GALNT18: variants seen among roughly 807,000 people sequenced by gnomAD.
GALNT18 encodes GalNAc-transferase 18.
A neutral mutation model predicts 69.5 loss-of-function variants in GALNT18; 44 were observed. That is an observed-to-expected ratio of 0.63 (90% CI 0.50 to 0.81). The LOEUF (loss-of-function observed/expected upper bound fraction) is 0.81. Ranked by LOEUF, GALNT18 falls within the 40% of genes least tolerant of loss-of-function variation. GALNT18 has a pLI of 0.00. For synonymous variants in GALNT18, 364 were observed against 318.2 expected (o/e 1.14, Z -1.53); for missense variants, 715 against 810.0 (o/e 0.88, Z 1.42).
chr11:11,608,233 T>C (rs1160267367), intron 1 of GALNT18, among the ~76,000 whole-genome samples: 1 of 152,192 alleles, frequency 6.6e-6, no homozygotes, highest in Non-Finnish European at 1.5e-5. Context: ...TTCCTGACCG[T>C]ATTTTCTATG....
intron 9 of GALNT18, among the ~76,000 whole-genome samples, chr11:11,298,440 C>T (rs2133013238): frequency 6.6e-6 from 1 of 152,382 alleles, no homozygotes; most frequent in Admixed American, 6.5e-5. Flanking sequence ...AAGTCCTGAG[C>T]AAGGCTGAGT....
In GALNT18 at chr11:11,436,062, A is replaced by G. The variant is rs955930107; in HGVS notation, c.429-3275T>C. Among the ~76,000 whole-genome samples, 2 of 152,172 alleles carry G rather than the reference A, an allele frequency of 1.3e-5. No homozygotes were observed. The highest frequency in any genetic ancestry group is 4.8e-5 in the African/African-American group (2 of 41,452). On this transcript the variant is annotated intron_variant, in intron 2 of 10. Coordinates refer to ENST00000227756, the MANE Select transcript of GALNT18 (RefSeq NM_198516.3). This position sits in a 1 kb window ranked among gnomAD's most constrained non-coding sequence, Gnocchi z 4.5. The stretch of plus-strand genomic sequence containing the variant: ...CCTTCAGTTTCTCCACACCTGACCT[A>G]ATGTGGCCCTGCGTGAGCAGAGAGG...
At chr11:11,515,669 C>T (rs570992565) in intron 1 of GALNT18, among the ~76,000 whole-genome samples, 3 of 152,298 alleles carry the variant, frequency 2.0e-5, no homozygotes, top group South Asian at 2.1e-4. Context: ...TCTCTGATGG[C>T]GGTGGCCAGG....
At chr11:11,533,627 T>C (rs913848251) in intron 1 of GALNT18, among the ~76,000 whole-genome samples, 4 of 152,188 alleles carry the variant, frequency 2.6e-5, no homozygotes, top group African/African-American at 9.7e-5. Context: ...TTACCTCCTC[T>C]CCACAACAGC....
intron 9 of GALNT18, among the ~76,000 whole-genome samples, chr11:11,295,136 G>A (rs1050489819): frequency 1.7e-4 from 26 of 152,214 alleles, no homozygotes; most frequent in African/African-American, 6.3e-4. Flanking sequence ...AGGAGGGTGA[G>A]TAAGCGTGGT....
At chr11:11,308,186 C>T (rs936378039) in intron 9 of GALNT18, among the ~76,000 whole-genome samples, 9 of 152,194 alleles carry the variant, frequency 5.9e-5, no homozygotes, top group African/African-American at 2.2e-4. Flanking sequence ...CGACTCTACT[C>T]ACCACTTCCT....
rs1281239659 is a variant in GALNT18, at chr11:11,618,742, A to G, written c.235+2617T>C. On this transcript the variant is annotated intron_variant, in intron 1 of 10. Coordinates refer to ENST00000227756, the MANE Select transcript of GALNT18 (RefSeq NM_198516.3). The surrounding 1 kb of genome is among the most constrained non-coding windows in gnomAD (Gnocchi z 6.1). The stretch of plus-strand genomic sequence containing the variant: ...AAATGGAGCAAATATTACCTACTTC[A>G]TAAGGTTGTGAAGATTAAATAAGTC... Among the ~76,000 whole-genome samples the G allele has an allele frequency of 6.6e-6, 1 of 152,124 alleles. No individual in the cohort carries two copies. The highest frequency in any genetic ancestry group is 2.4e-5 in the African/African-American group (1 of 41,386).
At chr11:11,490,200 TTCTCTCTCTCTCTCTC>T (rs71037025) in intron 1 of GALNT18, among the ~76,000 whole-genome samples, 65 of 130,488 alleles carry the variant, frequency 5.0e-4, no homozygotes, top group Admixed American at 1.2e-3. Flanking sequence ...CCTTCACTCA[TTCTCTCTCTCTCTCTC>T]TCTCTCTCTC....
intron 7 of GALNT18, among the ~76,000 whole-genome samples, chr11:11,333,707 GAGCCACCACGGTGCAGC>G (rs1165282352): frequency 6.6e-6 from 1 of 152,062 alleles, no homozygotes; most frequent in Non-Finnish European, 1.5e-5. Flanking sequence ...GGTGGCTCCT[GAGCCACCACGGTGCAGC>G]AGCCAGGGAG....
intron 10 of GALNT18, among the ~76,000 whole-genome samples, chr11:11,278,890 G>C (rs1282217057): frequency 2.6e-5 from 4 of 152,130 alleles, no homozygotes; most frequent in Admixed American, 6.5e-5. Flanking sequence ...AATGCTTGAG[G>C]TAAAAGATAA....
chr11:11,553,055 C>G (rs1858239163), intron 1 of GALNT18, among the ~76,000 whole-genome samples: 1 of 152,148 alleles, frequency 6.6e-6, no homozygotes, highest in Non-Finnish European at 1.5e-5. Context: ...TCACCCAGGA[C>G]CAACAGAATT....
In GALNT18 at chr11:11,606,009, G is replaced by T. The variant is rs755635645; in HGVS notation, c.235+15350C>A. Among the ~76,000 whole-genome samples the T allele has an allele frequency of 6.6e-6, 1 of 152,170 alleles. No homozygotes were observed. Among genetic ancestry groups the T allele is most frequent in the African/African-American group, 2.4e-5 (1 of 41,432 alleles). The stretch of plus-strand genomic sequence containing the variant: ...GCTATGAGAGAGACCCCAGAAGCAT[G>T]AGCGTTCCTGTCCCTGACCCAAAAG... On this transcript the variant is annotated intron_variant, in intron 1 of 10. Transcript: ENST00000227756. The surrounding 1 kb of genome is among the most constrained non-coding windows in gnomAD (Gnocchi z 5.4).
In GALNT18 at chr11:11,332,569, G is replaced by GGA. The variant is rs1208458715; in HGVS notation, c.1416+124_1416+125insTC. 3 of 1,087,992 alleles carry GGA rather than the reference G, an allele frequency of 2.8e-6. No homozygotes were observed. The highest frequency in any genetic ancestry group is 4.0e-6 in the Non-Finnish European group (3 of 752,440). 67.4% of individuals were successfully genotyped at this position (1,087,992 alleles called of 1,614,324 possible). A position where few individuals can be genotyped will look rare whatever the true frequency, so the allele number is the denominator to read the frequency against. On this transcript the variant is annotated intron_variant, in intron 8 of 10. Transcript: ENST00000227756. The surrounding 1 kb of genome is among the most constrained non-coding windows in gnomAD (Gnocchi z 4.3). ...CTTGCAGGTGCAGAACCCAGCGCCC[G>GGA]GTCCCCAGGCCTACTGCAGTTCTTC...
chr11:11,420,453 G>A (rs1854979440), intron 3 of GALNT18, among the ~76,000 whole-genome samples: 1 of 152,198 alleles, frequency 6.6e-6, no homozygotes, highest in Non-Finnish European at 1.5e-5. Flanking sequence ...TGAAGCTACT[G>A]GAGGCCACTT....
chr11:11,437,915 C>T (rs540449083), intron 2 of GALNT18, among the ~76,000 whole-genome samples: 11 of 152,262 alleles, frequency 7.2e-5, no homozygotes, highest in East Asian at 1.9e-4. Context: ...GCAAGTGAGA[C>T]GGTGGCACTC....
chr11:11,297,056 G>A (rs896514527), intron 9 of GALNT18, among the ~76,000 whole-genome samples: 6 of 152,168 alleles, frequency 3.9e-5, no homozygotes, highest in African/African-American at 1.4e-4. Flanking sequence ...GTGGAGGAAT[G>A]TTATAAACCA....
chr11:11,415,296 G>A lies in GALNT18; in HGVS notation c.595+17325C>T, dbSNP rs1386507587. ...AGATTAGTATTTGCTTGAATAACTC[G>A]GCGAAGTGAATATACACCACTTCCC... On this transcript the variant is annotated intron_variant, in intron 3 of 10. Transcript: ENST00000227756. This position sits in a 1 kb window ranked among gnomAD's most constrained non-coding sequence, Gnocchi z 4.1. 1.3e-5 allele frequency among the ~76,000 whole-genome samples: 2 copies of A among 152,100 alleles called. No homozygotes were observed. The highest frequency in any genetic ancestry group is 2.4e-5 in the African/African-American group (1 of 41,422).
intron 8 of GALNT18, among the ~76,000 whole-genome samples, chr11:11,328,918 T>C (rs967427220): frequency 2.0e-5 from 3 of 152,200 alleles, no homozygotes; most frequent in African/African-American, 7.2e-5. Flanking sequence ...GGGTTCTTAA[T>C]GCCAGTGCTT....
Position 11,379,128 on chromosome 11 carries a change from G to T in GALNT18, c.732C>A (p.Ala244=), listed in dbSNP as rs1225676660. The change falls in exon 4 of 11, where the codon GCC becomes GCA. Residue 244 remains alanine (A), a synonymous_variant. Transcript: ENST00000227756. ...SRVSGWRAAT[A]PVVALFDAHV... is the part of the protein sequence containing the mutation. The stretch of plus-strand genomic sequence containing the variant: ...GGGCATCAAAGAGTGCCACCACAGG[G>T]GCAGTGGCCGCCCTCCAGCCACTGA... 6.2e-7 allele frequency: 1 copy of T among 1,610,748 alleles called. No homozygotes were observed. The highest frequency in any genetic ancestry group is 8.5e-7 in the Non-Finnish European group (1 of 1,179,916).
Sources: allele counts gnomAD v4.1 joint callset (sites outside exome capture counted in the v4.1 genomes callset), GRCh38; gene constraint gnomAD v4.1.1; non-coding constraint Gnocchi (gnomAD v3.1); transcripts MANE v1.5; gene names NCBI Gene and HGNC (gene_info 2026-07-23, HGNC 2026-07-21).